The following SLC7A9 variants were observed in gnomAD, a reference collection of about 807,000 sequenced individuals.
The protein encoded by SLC7A9 is solute carrier family 7 member 9.
SLC7A9 carries 38 observed loss-of-function variants against 54.1 expected under a neutral mutation model. The observed-to-expected ratio is 0.70, with a 90% confidence interval of 0.54 to 0.92. The LOEUF (loss-of-function observed/expected upper bound fraction) is 0.92, where lower values mean the gene tolerates loss of function less well. SLC7A9 is among the 40% of genes least tolerant of loss of function. The pLI, the probability that SLC7A9 is intolerant of heterozygous loss-of-function variation, is 0.00. For synonymous variants in SLC7A9, 264 were observed against 258.9 expected (o/e 1.02, Z -0.19); for missense variants, 537 against 636.1 (o/e 0.84, Z 1.68).
At chr19:32,859,408 C>T (rs533702397) in intron 8 of SLC7A9, among the ~76,000 whole-genome samples, 5 of 152,124 alleles carry the variant, frequency 3.3e-5, no homozygotes, top group East Asian at 1.9e-4. Flanking sequence ...ATCCAAACTG[C>T]GTCTCCTCCA....
rs1968890567 is a variant in SLC7A9 at position 32,864,164 on chromosome 19, C to A, written c.410G>T (p.Cys137Phe). The A allele has an allele frequency of 1.2e-6, 2 of 1,614,096 alleles. No individual in the cohort carries two copies. The highest frequency in any genetic ancestry group is 2.7e-5 in the African/African-American group (2 of 74,926). The change falls in exon 4 of 13, where the codon TGT (cysteine) becomes TTT (phenylalanine). Residue 137 changes from cysteine to phenylalanine, a missense_variant. Physicochemically the swap from Cys to Phe is radical, Grantham distance 205 (BLOSUM62 -2). Coordinates refer to ENST00000023064, the MANE Select transcript of SLC7A9 (RefSeq NM_014270.5). ...IICLSFSEYVCAPFYVGCKPP... is the reference protein window; with the variant it reads ...IICLSFSEYVFAPFYVGCKPP... ...CTTGCAGCCCACATAGAAGGGCGCA[C>A]ACACATACTCGGAGAAGCTGAGGCA...
At chr19:32,858,399 C>T (rs772057336) in intron 9 of SLC7A9, 41 bp downstream of exon 9, 16 of 1,414,022 alleles carry the variant, frequency 1.1e-5, no homozygotes, top group South Asian at 4.6e-5. Context: ...TTGCTTTCGC[C>T]GCCCCTGTCC....
chr19:32,864,544 C>A (rs1968906167), intron 3 of SLC7A9, 85 bp downstream of exon 3: 2 of 1,574,854 alleles, frequency 1.3e-6, no homozygotes, highest in Non-Finnish European at 1.7e-6. Context: ...GGGATACTGG[C>A]AGGGTGAGGG....
At position 32,842,288 on chromosome 19, in the gene SLC7A9, A is replaced by G; in HGVS notation, c.1104T>C (p.Pro368=). ...AATTGACTAACGAGTTTATGTCACCAGGGATGATATAAATCGTTGCTATGA... is the reference window on the plus strand; with the variant it reads ...AATTGACTAACGAGTTTATGTCACCGGGGATGATATAAATCGTTGCTATGA... ...YGIIATIYII[P]GDINSLVNYF... Residue 368 remains proline (P), a synonymous_variant, in exon 11 of 13, where the codon CCT becomes CCC. Coordinates refer to ENST00000023064, the MANE Select transcript of SLC7A9 (RefSeq NM_014270.5). 1 of 1,613,954 alleles carries G rather than the reference A, an allele frequency of 6.2e-7. No homozygotes were observed. The highest frequency in any genetic ancestry group is 8.5e-7 in the Non-Finnish European group (1 of 1,179,774).
chr19:32,835,279 C>T (rs1377268699), intron 11 of SLC7A9, among the ~76,000 whole-genome samples: 1 of 151,932 alleles, frequency 6.6e-6, no homozygotes, highest in East Asian at 1.9e-4. Context: ...GTGAAGTTAC[C>T]TTTGTAAGGT....
intron 11 of SLC7A9, among the ~76,000 whole-genome samples, chr19:32,837,609 TAAAATA>T (rs1968000014): frequency 1.3e-5 from 2 of 152,078 alleles, no homozygotes; most frequent in African/African-American, 4.8e-5. Flanking sequence ...AAACTGTGTT[TAAAATA>T]ATTTTTGGTG....
rs1373842025 is a variant in SLC7A9 at position 32,842,192 on chromosome 19, C to T, written c.1200G>A (p.Arg400=). The change falls in exon 11 of 13, where the codon AGG becomes AGA. Residue 400 remains arginine (R), a synonymous_variant. Coordinates refer to ENST00000023064, the MANE Select transcript of SLC7A9 (RefSeq NM_014270.5). The part of the protein sequence containing the change: ...ILGLIVMRFT[R]KELERPIKVP... Reference sequence around the variant, plus strand: ...CCTTGATAGGCCTTTCCAGCTCTTTCCTTGTAAATCTCATCACGATGAGTC... The same window carrying T: ...CCTTGATAGGCCTTTCCAGCTCTTTTCTTGTAAATCTCATCACGATGAGTC... The T allele has an allele frequency of 5.0e-6, 8 of 1,614,036 alleles. No homozygotes were observed. The highest frequency in any genetic ancestry group is 6.8e-6 in the Non-Finnish European group (8 of 1,180,040).
At position 32,864,184 on chromosome 19, in the gene SLC7A9, G is replaced by A; in HGVS notation, c.390C>T (p.Leu130=). The change falls in exon 4 of 13, where the codon CTC becomes CTT. Residue 130 remains leucine, a synonymous_variant. Coordinates refer to ENST00000023064, the MANE Select transcript of SLC7A9 (RefSeq NM_014270.5). The part of the protein sequence containing the change: ...IKPTSFAIIC[L]SFSEYVCAPF... ...GCGCACACACATACTCGGAGAAGCT[G>A]AGGCAGATGATGGCGAAGGACGTGG... The A allele has an allele frequency of 6.2e-7, 1 of 1,614,248 alleles. No homozygotes were observed. Among genetic ancestry groups the A allele is most frequent in the Non-Finnish European group, 8.5e-7 (1 of 1,180,030 alleles).
intron 9 of SLC7A9, among the ~76,000 whole-genome samples, chr19:32,845,908 G>A (rs958783984): frequency 1.3e-5 from 2 of 152,146 alleles, no homozygotes; most frequent in African/African-American, 4.8e-5. Flanking sequence ...GGAGGCTGAG[G>A]CAGGAGAATC....
Position 32,860,586 on chromosome 19 carries a change from T to G in SLC7A9, c.749+20A>C, listed in dbSNP as rs1290868188. The G allele has an allele frequency of 1.2e-6, 2 of 1,614,044 alleles. No individual in the cohort carries two copies. The highest frequency in any genetic ancestry group is 3.3e-5 in the Admixed American group (2 of 59,982). ...ATCAGGCTGCCCGGCTACTGTCCTC[T>G]GCACTGATTCAGCTGTTACCTGTAA... On this transcript the variant is annotated intron_variant, in intron 7 of 12. Coordinates refer to ENST00000023064, the MANE Select transcript of SLC7A9 (RefSeq NM_014270.5).
intron 11 of SLC7A9, among the ~76,000 whole-genome samples, chr19:32,836,240 G>A (rs1967956454): frequency 1.3e-5 from 2 of 151,754 alleles, no homozygotes; most frequent in African/African-American, 4.8e-5. Flanking sequence ...GTAGAGATGG[G>A]GTTTCACCAT....
intron 2 of SLC7A9, 74 bp from the exon 3 acceptor site, chr19:32,864,850 C>T (rs976015814): frequency 7.5e-6 from 12 of 1,599,434 alleles, no homozygotes; most frequent in South Asian, 3.3e-5. Flanking sequence ...GCCACCCTCC[C>T]TCGGTACGGC....
At chr19:32,844,048 C>A in intron 9 of SLC7A9, 97 bp from the exon 10 acceptor site, 1 of 902,058 alleles carries the variant, frequency 1.1e-6, no homozygotes, top group Non-Finnish European at 1.8e-6. Context: ...AAGGAGCCCT[C>A]GGGAGGCTCA....
chr19:32,853,430 T>C (rs1445950998), intron 9 of SLC7A9, among the ~76,000 whole-genome samples: 1 of 152,212 alleles, frequency 6.6e-6, no homozygotes, highest in Non-Finnish European at 1.5e-5. Flanking sequence ...GTGAGTTTTA[T>C]ATTTGTACCT....
chr19:32,859,186 A>G (rs1968719965), intron 8 of SLC7A9, among the ~76,000 whole-genome samples: 1 of 151,932 alleles, frequency 6.6e-6, no homozygotes. Context: ...TGTAGCCTCA[A>G]TCTCCTGGGC....
At chr19:32,858,646 C>A in intron 8 of SLC7A9, 103 bp from the exon 9 acceptor site, 1 of 843,414 alleles carries the variant, frequency 1.2e-6, no homozygotes, top group Admixed American at 2.0e-5. Flanking sequence ...AGGGACCCAC[C>A]TCGCCTCGGG....
In SLC7A9 at chr19:32,860,591, T is replaced by C. The variant is rs1474779879; in HGVS notation, c.749+15A>G. 1 of 1,614,048 alleles carries C rather than the reference T, an allele frequency of 6.2e-7. No individual in the cohort carries two copies. Among genetic ancestry groups the C allele is most frequent in the East Asian group, 2.2e-5 (1 of 44,902 alleles). On this transcript the variant is annotated intron_variant, in intron 7 of 12. Transcript: ENST00000023064. ...GCTGCCCGGCTACTGTCCTCTGCAC[T>C]GATTCAGCTGTTACCTGTAAGGGTT...
Position 32,830,527 on chromosome 19 carries a change from A to ATATT in SLC7A9, c.*89_*92dup. The ATATT allele has an allele frequency of 1.1e-6, 1 of 939,572 alleles. No homozygotes were observed. The highest frequency in any genetic ancestry group is 1.8e-6 in the Non-Finnish European group (1 of 569,166). The allele number at this position is 939,572 out of a possible 1,614,324, so 58.2% of individuals were successfully genotyped here. ...ATAACAATATTTTAAACATCTGAGTATATTTTATTCGTAAGAAAAAAAGGA... is the reference window on the plus strand; with the variant it reads ...ATAACAATATTTTAAACATCTGAGTATATTTATTTTATTCGTAAGAAAAAAAGGA... On this transcript the variant is annotated 3_prime_UTR_variant, in exon 13 of 13. Transcript: ENST00000023064.
At chr19:32,846,272 A>AGGG (rs1469589338) in intron 9 of SLC7A9, among the ~76,000 whole-genome samples, 5 of 142,730 alleles carry the variant, frequency 3.5e-5, no homozygotes, top group African/African-American at 1.4e-4. Flanking sequence ...TCCTAGTCAA[A>AGGG]GAAAGGGGTG....
Sources: gnomAD v4.1 joint callset for allele counts (sites outside exome capture counted in the v4.1 genomes callset) on GRCh38, gnomAD v4.1.1 for gene constraint, MANE v1.5 for transcripts, NCBI Gene and HGNC (gene_info 2026-07-23, HGNC 2026-07-21) for gene names.